Variants in SIDT2 observed in about 807,000 individuals in gnomAD.
The protein encoded by SIDT2 is SID1 transmembrane family, member 2.
SIDT2 carries 68 observed loss-of-function variants against 114.4 expected under a neutral mutation model. That is an observed-to-expected ratio of 0.59 (90% CI 0.49 to 0.73). SIDT2 has a LOEUF of 0.73. Ranked by LOEUF, SIDT2 falls within the 30% of genes least tolerant of loss-of-function variation. The pLI is 0.00. For synonymous variants in SIDT2, 470 were observed against 438.4 expected (o/e 1.07, Z -0.90); for missense variants, 918 against 1,097.1 (o/e 0.84, Z 2.31).
In SIDT2 at chr11:117,197,162, G is replaced by C. The variant is rs906261845; in HGVS notation, c.*1096G>C. On this transcript the variant is annotated 3_prime_UTR_variant, in exon 26 of 26. Coordinates refer to ENST00000324225, the MANE Select transcript of SIDT2 (RefSeq NM_001040455.2). Reference sequence around the variant, plus strand: ...ACACACATACCTATGAAACCTTGGAGTTTACAAAGAATTGCCCCAGCTCTG... The same window carrying C: ...ACACACATACCTATGAAACCTTGGACTTTACAAAGAATTGCCCCAGCTCTG... 2 of 152,354 alleles carry C rather than the reference G, an allele frequency of 1.3e-5. No individual in the cohort carries two copies. The highest frequency in any genetic ancestry group is 2.9e-5 in the Non-Finnish European group (2 of 68,084). 9.4% of individuals were successfully genotyped at this position (152,354 alleles called of 1,614,324 possible). A position where few individuals can be genotyped will look rare whatever the true frequency, so the allele number is the denominator to read the frequency against.
chr11:117,181,626 C>T, intron 2 of SIDT2, 89 bp downstream of exon 2: 2 of 1,596,694 alleles, frequency 1.3e-6, no homozygotes, highest in Admixed American at 1.7e-5. Context: ...ATTTCTCCTC[C>T]CCTTTCCCTG....
intron 6 of SIDT2, 147 bp from the exon 7 acceptor site, chr11:117,183,631 TC>T: frequency 1.6e-6 from 1 of 627,958 alleles, no homozygotes; most frequent in South Asian, 2.0e-5. Flanking sequence ...GGAGTGAAAC[TC>T]CGTCTCAAAA....
In SIDT2 at chr11:117,189,000, A is replaced by G; in HGVS notation, c.1279-169A>G. 1 of 963,178 alleles carries G rather than the reference A, an allele frequency of 1.0e-6. No individual in the cohort carries two copies. The highest frequency in any genetic ancestry group is 1.6e-6 in the Non-Finnish European group (1 of 614,762). The allele number at this position is 963,178 out of a possible 1,614,324, so 59.7% of individuals were successfully genotyped here. On this transcript the variant is annotated intron_variant, in intron 13 of 25. Transcript: ENST00000324225. This position sits in a 1 kb window ranked among gnomAD's most constrained non-coding sequence, Gnocchi z 4.0. ...CTGACCTCCAACCCCTTCCGGCCTGATTGGCCAAACCCTCTTGGTCTAAGC... is the reference window on the plus strand; with the variant it reads ...CTGACCTCCAACCCCTTCCGGCCTGGTTGGCCAAACCCTCTTGGTCTAAGC...
chr11:117,187,456 G>C lies in SIDT2; in HGVS notation c.1087+7G>C. On this transcript the variant is annotated splice_region_variant and intron_variant, in intron 11 of 25. Coordinates refer to ENST00000324225, the MANE Select transcript of SIDT2 (RefSeq NM_001040455.2). ...TACAACTATGGCTCCTTTGGTACGT[G>C]TCAAAGCCAGCACCGTGCTTGCTGG... 6.2e-7 allele frequency: 1 copy of C among 1,613,768 alleles called. No individual in the cohort carries two copies.
Position 117,188,975 on chromosome 11 carries a change from C to T in SIDT2, c.1278+149C>T. On this transcript the variant is annotated intron_variant, in intron 13 of 25. Transcript: ENST00000324225. The surrounding 1 kb of genome is among the most constrained non-coding windows in gnomAD (Gnocchi z 4.0). ...CAGGGCAGATGCCGGGGAAACTAAC[C>T]TGACCTCCAACCCCTTCCGGCCTGA... is the stretch of plus-strand genomic sequence containing the variant. The T allele has an allele frequency of 2.0e-6, 2 of 996,698 alleles. No individual in the cohort carries two copies. The highest frequency in any genetic ancestry group is 1.4e-5 in the South Asian group (1 of 71,182). The allele number at this position is 996,698 out of a possible 1,614,324, so 61.7% of individuals were successfully genotyped here.
At chr11:117,193,832 T>TCCC in intron 23 of SIDT2, 21 bp from the exon 24 acceptor site, 1 of 1,593,804 alleles carries the variant, frequency 6.3e-7, no homozygotes. Context: ...CAGACTGCTG[T>TCCC]CCCTGCCTGG....
intron 13 of SIDT2, 96 bp from the exon 14 acceptor site, chr11:117,189,073 C>A: frequency 2.3e-6 from 3 of 1,311,608 alleles, no homozygotes; most frequent in South Asian, 2.4e-5. Flanking sequence ...TGAATTCGGC[C>A]CTGTGTGAGG....
At chr11:117,186,043 T>C in intron 8 of SIDT2, 87 bp from the exon 9 acceptor site, 2 of 1,070,526 alleles carry the variant, frequency 1.9e-6, no homozygotes, top group South Asian at 2.6e-5. Context: ...TTGAGCTGGG[T>C]GGAGGAGGAC....
rs2030173794 is a variant in SIDT2, at chr11:117,179,424, A to G, written c.161A>G (p.Asn54Ser). The G allele has an allele frequency of 6.2e-7, 1 of 1,613,582 alleles. No individual in the cohort carries two copies. Among genetic ancestry groups the G allele is most frequent in the Non-Finnish European group, 8.5e-7 (1 of 1,179,832 alleles). Reference sequence around the variant, plus strand: ...GAGCTGGTCAACATCTACACCTTCAACCATACTGTGACCCGCAACAGGGTG... The same window carrying G: ...GAGCTGGTCAACATCTACACCTTCAGCCATACTGTGACCCGCAACAGGGTG... ...NSELVNIYTF[N>S]HTVTRNRTEG... Residue 54 changes from asparagine (N) to serine (S), a missense_variant, in exon 1 of 26, where the codon AAC (asparagine) becomes AGC (serine). Asn to Ser is a conservative substitution (Grantham distance 46). This residue lies in a region of SIDT2 where 553 missense variants were observed against 600.1 expected (regional missense o/e 0.92). Transcript: ENST00000324225.
At chr11:117,186,366 C>A in intron 9 of SIDT2, 143 bp downstream of exon 9, 1 of 831,848 alleles carries the variant, frequency 1.2e-6, no homozygotes, top group Non-Finnish European at 1.9e-6. Flanking sequence ...AGTCTGTGGC[C>A]CATGAGCCTC....
chr11:117,183,760 T>C lies in SIDT2; in HGVS notation c.703-19T>C, dbSNP rs1565285110. 6.6e-7 allele frequency: 1 copy of C among 1,523,538 alleles called. No homozygotes were observed. Among genetic ancestry groups the C allele is most frequent in the Non-Finnish European group, 9.1e-7 (1 of 1,098,168 alleles). 94.4% of individuals were successfully genotyped at this position (1,523,538 alleles called of 1,614,324 possible). A position where few individuals can be genotyped will look rare whatever the true frequency, so the allele number is the denominator to read the frequency against. On this transcript the variant is annotated intron_variant, in intron 6 of 25. Coordinates refer to ENST00000324225, the MANE Select transcript of SIDT2 (RefSeq NM_001040455.2). ...TGATGATGATGATGAAGAAGATATT[T>C]ATCATCATCATCCTGCAGCGCAAAG...
chr11:117,181,352 A>T, intron 1 of SIDT2, 64 bp from the exon 2 acceptor site: 1 of 1,187,698 alleles, frequency 8.4e-7, no homozygotes, highest in Non-Finnish European at 1.2e-6. Flanking sequence ...CAGGGCTCAT[A>T]GTCTCTGGAG....
rs764665131 is a variant in SIDT2 at position 117,179,376 on chromosome 11, CCTA to C, written c.115_117del (p.Tyr39del). On this transcript the variant is annotated inframe_deletion, in exon 1 of 26. Transcript: ENST00000324225. ...CAGAAAGACGCCGAGTTTGAGCGCA[CCTA>C]CGTGGACGAGGTCAACAGCGAGCTG... 6.2e-7 allele frequency: 1 copy of C among 1,614,048 alleles called. No individual in the cohort carries two copies. The highest frequency in any genetic ancestry group is 1.3e-5 in the African/African-American group (1 of 74,926).
chr11:117,195,950 G>A (rs760021089), intron 25 of SIDT2, 35 bp downstream of exon 25: 24 of 1,614,116 alleles, frequency 1.5e-5, no homozygotes, highest in Admixed American at 1.7e-5. Flanking sequence ...GGGTGGGTAC[G>A]TGAAGGTAGC....
At chr11:117,193,086 C>T (rs1030994763) in intron 22 of SIDT2, 67 bp from the exon 23 acceptor site, 72 of 1,508,636 alleles carry the variant, frequency 4.8e-5, no homozygotes, top group Non-Finnish European at 5.9e-5. Flanking sequence ...CATGCCTAGG[C>T]AGGGCAGGAA....
At chr11:117,180,197 G>A (rs189223660) in intron 1 of SIDT2, among the ~76,000 whole-genome samples, 1 of 152,246 alleles carries the variant, frequency 6.6e-6, no homozygotes, top group Admixed American at 6.5e-5. Flanking sequence ...CATGACTGCC[G>A]TTTACTGAGA....
chr11:117,189,023 A>C, intron 13 of SIDT2, 146 bp from the exon 14 acceptor site: 1 of 1,000,328 alleles, frequency 1.0e-6, no homozygotes. Context: ...TCTTGGTCTA[A>C]GCGGCCGCAG....
intron 8 of SIDT2, 45 bp downstream of exon 8, chr11:117,184,184 G>C (rs1252311017): frequency 6.3e-7 from 1 of 1,583,322 alleles, no homozygotes; most frequent in Non-Finnish European, 8.7e-7. Context: ...AGCCTCTCTG[G>C]CTCCTGCTTT....
At chr11:117,189,789 G>A (rs976966649) in intron 15 of SIDT2, 163 bp from the exon 16 acceptor site, 1 of 663,552 alleles carries the variant, frequency 1.5e-6, no homozygotes, top group Non-Finnish European at 2.7e-6. Context: ...GTGCTGCATG[G>A]CATCCATGTT....
Sources: allele counts gnomAD v4.1 joint callset (sites outside exome capture counted in the v4.1 genomes callset), GRCh38; gene constraint gnomAD v4.1.1; regional missense constraint gnomAD v4.1.1; non-coding constraint Gnocchi (gnomAD v3.1); transcripts MANE v1.5; gene names NCBI Gene and HGNC (gene_info 2026-07-23, HGNC 2026-07-21).